Variants in C4orf54 observed in about 807,000 individuals in gnomAD.
C4orf54 encodes the protein chromosome 4 open reading frame 54, also known as uncharacterized protein C4orf54.
C4orf54 carries 67 observed loss-of-function variants against 80.1 expected under a neutral mutation model. That is an observed-to-expected ratio of 0.84 (90% CI 0.69 to 1.03). C4orf54 has a LOEUF of 1.03. C4orf54 is among the 50% of genes least tolerant of loss of function. C4orf54 has a pLI of 0.00. For synonymous variants in C4orf54, 1,000 were observed against 917.0 expected, an observed-to-expected ratio of 1.09 and a Z score of -1.64; for missense variants, 2,434 against 2,253.5, an observed-to-expected ratio of 1.08 and a Z score of -1.62.
chr4:99,653,540 G>A lies in C4orf54; in HGVS notation c.1109C>T (p.Thr370Ile), dbSNP rs1726903548. 2 of 1,536,106 alleles carry A rather than the reference G, an allele frequency of 1.3e-6. No individual in the cohort carries two copies. Among genetic ancestry groups the A allele is most frequent in the South Asian group, 1.2e-5 (1 of 84,048 alleles). The change falls in exon 2 of 3, where the codon ACC becomes ATC. Residue 370 changes from threonine to isoleucine, a missense_variant. Coordinates refer to ENST00000511828, the MANE Select transcript of C4orf54 (RefSeq NM_001354435.2). ...CACCTCACTCAGCTGGATCTCATGG[G>A]TGGTGATGTAGTGAGCCTCTTCGAC... is the stretch of plus-strand genomic sequence containing the variant. The part of the protein sequence containing the change: ...PKVEEAHYIT[T>I]HEIQLSEVEQ...
chr4:99,652,866 C>G lies in C4orf54; in HGVS notation c.1783G>C (p.Gly595Arg). The G allele has an allele frequency of 4.6e-6, 7 of 1,536,108 alleles. No individual in the cohort carries two copies. The highest frequency in any genetic ancestry group is 6.1e-6 in the Non-Finnish European group (7 of 1,146,898). The change falls in exon 2 of 3, where the codon GGG becomes CGG. Residue 595 changes from glycine to arginine, a missense_variant. Coordinates refer to ENST00000511828, the MANE Select transcript of C4orf54 (RefSeq NM_001354435.2). Reference protein sequence around the residue: ...AVPARLQTRCGAIRAKELVDY... With the variant: ...AVPARLQTRCRAIRAKELVDY... The stretch of plus-strand genomic sequence containing the variant: ...ACCAGCTCCTTCGCCCGGATGGCCC[C>G]GCACCTGGTTTGCAGGCGAGCAGGT...
In C4orf54 at chr4:99,651,141, G is replaced by C; in HGVS notation, c.3508C>G (p.Pro1170Ala). 6.5e-7 allele frequency: 1 copy of C among 1,536,106 alleles called. No homozygotes were observed. The highest frequency in any genetic ancestry group is 1.2e-5 in the South Asian group (1 of 84,046). ...NQREDSMDRE[P>A]RESMGKGGGS... ...CCCCCTTTGCCCATGCTTTCCCTGG[G>C]CTCTCGGTCCATGCTGTCTTCCCTC... Residue 1170 changes from proline to alanine, a missense_variant, in exon 2 of 3, where the codon CCC (proline) becomes GCC (alanine). Transcript: ENST00000511828.
chr4:99,657,016 T>C (rs1229129628), intron 1 of C4orf54, among the ~76,000 whole-genome samples: 1 of 152,270 alleles, frequency 6.6e-6, no homozygotes, highest in African/African-American at 2.4e-5. Context: ...GTACACATTA[T>C]GTACTCAGGG....
rs921106181 is a variant in C4orf54, at chr4:99,652,740, G to A, written c.1909C>T (p.Pro637Ser). The A allele has an allele frequency of 1.3e-6, 2 of 1,535,944 alleles. No homozygotes were observed. Among genetic ancestry groups the A allele is most frequent in the Non-Finnish European group, 1.7e-6 (2 of 1,146,908 alleles). Residue 637 changes from proline to serine, a missense_variant, in exon 2 of 3, where the codon CCC (proline) becomes TCC (serine). Pro to Ser is a moderately conservative substitution (Grantham distance 74). Transcript: ENST00000511828. Reference sequence around the variant, plus strand: ...CTGATGTTCAGAGCCTCAAAGTAGGGGTAAGCCAGGCTCCGGAAGGCCCGG... The same window carrying A: ...CTGATGTTCAGAGCCTCAAAGTAGGAGTAAGCCAGGCTCCGGAAGGCCCGG... ...TSRAFRSLAY[P>S]YFEALNISSR... is the part of the protein sequence containing the mutation.
rs1040483043 is a variant in C4orf54 at position 99,653,756 on chromosome 4, G to T, written c.893C>A (p.Thr298Asn). 16 of 1,535,920 alleles carry T rather than the reference G, an allele frequency of 1.0e-5. No homozygotes were observed. The African/African-American group carries it at 2.2e-4, about 21-fold the overall frequency. The change falls in exon 2 of 3, where the codon ACC becomes AAC. Residue 298 changes from threonine (T) to asparagine (N), a missense_variant. Transcript: ENST00000511828. ...CTCGAAGCCTAAGGATGAAGAGGAGGTGGCCAGAGCCCCTGTGGATGTGGT... is the reference window on the plus strand; with the variant it reads ...CTCGAAGCCTAAGGATGAAGAGGAGTTGGCCAGAGCCCCTGTGGATGTGGT... Reference protein sequence around the residue: ...DSTTSTGALATSSSSLGFESE... With the variant: ...DSTTSTGALANSSSSLGFESE...
rs967187847 is a variant in C4orf54, at chr4:99,649,216, G to A, written c.*36+15C>T. On this transcript the variant is annotated intron_variant, in intron 2 of 2. Transcript: ENST00000511828. ...TACTCTCTTAAACCTGATTATCAAA[G>A]TGAAATTCACTTACCAGCAGTTTTT... 8 of 1,451,808 alleles carry A rather than the reference G, an allele frequency of 5.5e-6. No individual in the cohort carries two copies. The African/African-American group carries it at 1.1e-4, about 21-fold the overall frequency. The allele number at this position is 1,451,808 out of a possible 1,614,324, so 89.9% of individuals were successfully genotyped here.
At chr4:99,648,185 C>G (rs944401325) in intron 2 of C4orf54, among the ~76,000 whole-genome samples, 1 of 152,032 alleles carries the variant, frequency 6.6e-6, no homozygotes, top group African/African-American at 2.4e-5. Flanking sequence ...AGTTCTGACA[C>G]CTTTACGCTC....
Position 99,649,990 on chromosome 4 carries a change from C to T in C4orf54, c.4659G>A (p.Glu1553=). ...VAAPPGPQSP[E]HPPTTIYHQP... is the part of the protein sequence containing the mutation. ...GGTGGTAGATGGTGGTGGGGGGATG[C>T]TCGGGGCTCTGTGGCCCTGGGGGGG... Residue 1553 remains glutamate, a synonymous_variant, in exon 2 of 3, where the codon GAG becomes GAA. Transcript: ENST00000511828. 6.5e-7 allele frequency: 1 copy of T among 1,534,940 alleles called. No homozygotes were observed. The highest frequency in any genetic ancestry group is 2.4e-5 in the East Asian group (1 of 40,850).
intron 2 of C4orf54, among the ~76,000 whole-genome samples, chr4:99,647,996 A>AT (rs1043171748): frequency 2.0e-5 from 3 of 151,042 alleles, no homozygotes; most frequent in African/African-American, 7.3e-5. Context: ...GAAATAACAT[A>AT]TTTTTTATTA....
rs775039047 is a variant in C4orf54, at chr4:99,654,156, C to A, written c.493G>T (p.Val165Leu). Residue 165 changes from valine to leucine, a missense_variant, in exon 2 of 3, where the codon GTG becomes TTG. Physicochemically the swap from Val to Leu is conservative, Grantham distance 32 (BLOSUM62 1). Coordinates refer to ENST00000511828, the MANE Select transcript of C4orf54 (RefSeq NM_001354435.2). ...TCCTGGCTGTCTTGAGCACTGCTCACCCCGTCCCCCACCTCCGCCTGTCTT... is the reference window on the plus strand; with the variant it reads ...TCCTGGCTGTCTTGAGCACTGCTCAACCCGTCCCCCACCTCCGCCTGTCTT... ...KARQAEVGDG[V>L]SSAQDSQELK... 12 of 1,536,180 alleles carry A rather than the reference C, an allele frequency of 7.8e-6. No individual in the cohort carries two copies. In the South Asian group the frequency reaches 1.4e-4, roughly 18 times the overall value.
At chr4:99,647,335 A>G (rs1309564507) in intron 2 of C4orf54, among the ~76,000 whole-genome samples, 4 of 152,180 alleles carry the variant, frequency 2.6e-5, no homozygotes, top group African/African-American at 7.2e-5. Flanking sequence ...TCATAGCATT[A>G]GTTGGTCCAA....
rs911090778 is a variant in C4orf54 at position 99,637,509 on chromosome 4, T to A, written c.*3724A>T. The A allele has an allele frequency of 2.6e-5, 4 of 152,182 alleles. No homozygotes were observed. The highest frequency in any genetic ancestry group is 5.9e-5 in the Non-Finnish European group (4 of 68,016). 9.4% of individuals were successfully genotyped at this position (152,182 alleles called of 1,614,324 possible). A position where few individuals can be genotyped will look rare whatever the true frequency, so the allele number is the denominator to read the frequency against. On this transcript the variant is annotated 3_prime_UTR_variant, in exon 3 of 3. Coordinates refer to ENST00000511828, the MANE Select transcript of C4orf54 (RefSeq NM_001354435.2). ...AGTGCTACATGCTTTATTAATGATT[T>A]TATGCACCTGTGAGGTCTACTTAGG...
Position 99,657,601 on chromosome 4 carries a change from G to A in C4orf54, c.-138C>T, listed in dbSNP as rs1008270143. On this transcript the variant is annotated 5_prime_UTR_variant, in exon 1 of 3. Coordinates refer to ENST00000511828, the MANE Select transcript of C4orf54 (RefSeq NM_001354435.2). ...TTTCAAATGAAGTCAATTTCCAGTC[G>A]GGTTTAATTCAAACCACAAATTCTC... is the stretch of plus-strand genomic sequence containing the variant. Among the ~76,000 whole-genome samples the A allele has an allele frequency of 1.2e-4, 18 of 152,240 alleles. No individual in the cohort carries two copies. The highest frequency in any genetic ancestry group is 6.5e-4 in the Admixed American group (10 of 15,290).
At position 99,653,888 on chromosome 4, in the gene C4orf54, C is replaced by A. The variant is rs181814293; in HGVS notation, c.761G>T (p.Arg254Ile). Residue 254 changes from arginine to isoleucine, a missense_variant, in exon 2 of 3, where the codon AGA (arginine) becomes ATA (isoleucine). Coordinates refer to ENST00000511828, the MANE Select transcript of C4orf54 (RefSeq NM_001354435.2). ...QNNPASSQLS[R>I]SQHSASEEGG... is the part of the protein sequence containing the mutation. ...CTCTTCAGAGGCAGAGTGCTGGGATCTAGAGAGTTGGGAGGAGGCAGGATT... is the reference window on the plus strand; with the variant it reads ...CTCTTCAGAGGCAGAGTGCTGGGATATAGAGAGTTGGGAGGAGGCAGGATT... 192 of 1,536,280 alleles carry A rather than the reference C, an allele frequency of 1.2e-4. No homozygotes were observed. In the African/African-American group the frequency reaches 2.4e-3, roughly 19 times the overall value.
At chr4:99,648,930 G>A (rs989747647) in intron 2 of C4orf54, among the ~76,000 whole-genome samples, 12 of 152,016 alleles carry the variant, frequency 7.9e-5, no homozygotes, top group Admixed American at 2.6e-4. Flanking sequence ...CGTTCACCAC[G>A]GACAGACTGA....
At position 99,654,172 on chromosome 4, in the gene C4orf54, C is replaced by T. The variant is rs1373561532; in HGVS notation, c.477G>A (p.Ala159=). 5.2e-6 allele frequency: 8 copies of T among 1,536,218 alleles called. No homozygotes were observed. The highest frequency in any genetic ancestry group is 3.6e-5 in the South Asian group (3 of 84,068). Residue 159 remains alanine, a synonymous_variant, in exon 2 of 3, where the codon GCG becomes GCA. Transcript: ENST00000511828. ...CACTGCTCACCCCGTCCCCCACCTC[C>T]GCCTGTCTTGCTTTCGAATTCAGCT... ...PPELNSKARQ[A]EVGDGVSSAQ... is the part of the protein sequence containing the mutation.
chr4:99,652,236 T>A lies in C4orf54; in HGVS notation c.2413A>T (p.Lys805Ter). 6.5e-7 allele frequency: 1 copy of A among 1,535,876 alleles called. No homozygotes were observed. Among genetic ancestry groups the A allele is most frequent in the South Asian group, 1.2e-5 (1 of 84,040 alleles). The change falls in exon 2 of 3, where the codon AAG (lysine) becomes TAG (stop). Residue 805 changes from lysine to a stop codon, truncating the protein, a stop_gained. Coordinates refer to ENST00000511828, the MANE Select transcript of C4orf54 (RefSeq NM_001354435.2). LOFTEE classifies it high-confidence loss of function. ...AGCAGACTGGAGGCGAACTTGGACTTCTGGGGGCCATCGGCGCGGGAGGTG... is the reference window on the plus strand; with the variant it reads ...AGCAGACTGGAGGCGAACTTGGACTACTGGGGGCCATCGGCGCGGGAGGTG... The part of the protein sequence containing the change: ...KPTSRADGPQ[K>*]SKFASSLLKN...
intron 2 of C4orf54, among the ~76,000 whole-genome samples, chr4:99,641,990 G>A (rs945937384): frequency 2.0e-5 from 3 of 152,174 alleles, no homozygotes; most frequent in African/African-American, 7.2e-5. Flanking sequence ...TGCACTCAGA[G>A]TAGCAAGGCA....
Position 99,649,265 on chromosome 4 carries a change from C to A in C4orf54, c.*2G>T. On this transcript the variant is annotated 3_prime_UTR_variant, in exon 2 of 3. Coordinates refer to ENST00000511828, the MANE Select transcript of C4orf54 (RefSeq NM_001354435.2). ...TTCATTCCGCTTCCTGGTGGCTGCTCATCATCTGTGTTCTACCACAAAGCT... is the reference window on the plus strand; with the variant it reads ...TTCATTCCGCTTCCTGGTGGCTGCTAATCATCTGTGTTCTACCACAAAGCT... The A allele has an allele frequency of 6.7e-7, 1 of 1,501,106 alleles. No homozygotes were observed. The highest frequency in any genetic ancestry group is 1.2e-5 in the South Asian group (1 of 80,102). 93.0% of individuals were successfully genotyped at this position (1,501,106 alleles called of 1,614,324 possible). A position where few individuals can be genotyped will look rare whatever the true frequency, so the allele number is the denominator to read the frequency against.
Sources: allele counts gnomAD v4.1 joint callset (sites outside exome capture counted in the v4.1 genomes callset), GRCh38; gene constraint gnomAD v4.1.1; transcripts MANE v1.5; gene names NCBI Gene and HGNC (gene_info 2026-07-23, HGNC 2026-07-21).